Variants in ELP3 observed in about 807,000 individuals in gnomAD.
ELP3 encodes elongator acetyltransferase complex subunit 3, also known as elongator complex protein 3.
Under a neutral mutation model 74.9 loss-of-function variants are expected in ELP3, and 56 were observed. The observed-to-expected ratio is 0.75, with a 90% CI of 0.60 to 0.93. ELP3 has a LOEUF of 0.93. ELP3 is among the 40% of genes least tolerant of loss of function. ELP3 has a pLI of 0.00. For missense variants in ELP3, 573 were observed against 686.5 expected (o/e 0.83, Z 1.85); for synonymous variants, 222 against 239.8 (o/e 0.93, Z 0.68).
chr8:28,147,765 C>T lies in ELP3; in HGVS notation c.1101-8177C>T, dbSNP rs992322106. The stretch of plus-strand genomic sequence containing the variant: ...GATTATAGTTTCTAAAGCCACTCTC[C>T]ACTAAAAGAAATCAGTGCTTAGAAA... On this transcript the variant is annotated intron_variant, in intron 10 of 14. Transcript: ENST00000256398. The surrounding 1 kb of genome is among the most constrained non-coding windows in gnomAD (Gnocchi z 4.5). Among the ~76,000 whole-genome samples, 8 of 152,088 alleles carry T rather than the reference C, an allele frequency of 5.3e-5. No homozygotes were observed. Among genetic ancestry groups the T allele is most frequent in the African/African-American group, 1.9e-4 (8 of 41,402 alleles).
Position 28,155,980 on chromosome 8 carries a change from A to T in ELP3, c.1139A>T (p.His380Leu). Reference protein sequence around the residue: ...PMPLVSSGVEHGNLRELALAR... With the variant: ...PMPLVSSGVELGNLRELALAR... Reference sequence around the variant, plus strand: ...CCTTTAGTTAGCTCAGGAGTAGAGCATGGTAACCTGAGAGAGCTGGCACTT... The same window carrying T: ...CCTTTAGTTAGCTCAGGAGTAGAGCTTGGTAACCTGAGAGAGCTGGCACTT... The change falls in exon 11 of 15, where the codon CAT (histidine) becomes CTT (leucine). Residue 380 changes from histidine to leucine, a missense_variant. Transcript: ENST00000256398. 3 of 1,614,020 alleles carry T rather than the reference A, an allele frequency of 1.9e-6. No individual in the cohort carries two copies. The highest frequency in any genetic ancestry group is 1.3e-5 in the African/African-American group (1 of 75,062).
chr8:28,103,305 T>C (rs1479797107), intron 3 of ELP3, among the ~76,000 whole-genome samples: 3 of 152,228 alleles, frequency 2.0e-5, no homozygotes, highest in Non-Finnish European at 4.4e-5. Context: ...CAGAGTGTCA[T>C]GTACAGTAAT....
At chr8:28,117,168 A>G (rs1159949767) in intron 7 of ELP3, among the ~76,000 whole-genome samples, 1 of 152,158 alleles carries the variant, frequency 6.6e-6, no homozygotes, top group Non-Finnish European at 1.5e-5. Context: ...AAAATTTGCC[A>G]CTAAGCTTTT....
At chr8:28,128,795 C>G (rs990089255) in intron 7 of ELP3, among the ~76,000 whole-genome samples, 2 of 152,218 alleles carry the variant, frequency 1.3e-5, no homozygotes, top group African/African-American at 4.8e-5. Flanking sequence ...TGTCGCCTCA[C>G]TTCACTAGCC....
At chr8:28,150,908 C>A (rs1247764168) in intron 10 of ELP3, among the ~76,000 whole-genome samples, 1 of 152,170 alleles carries the variant, frequency 6.6e-6, no homozygotes, top group Non-Finnish European at 1.5e-5. Context: ...ATTCTCCCAC[C>A]TCAGCCTCCC....
chr8:28,090,396 A>C (rs1482633070), upstream of ELP3: 1 of 372,316 alleles, frequency 2.7e-6, no homozygotes, highest in African/African-American at 2.1e-5. Flanking sequence ...TGAATCCTCC[A>C]TAGTCTGGTG....
At chr8:28,093,422 C>T in intron 1 of ELP3, 189 bp downstream of exon 1, 1 of 683,156 alleles carries the variant, frequency 1.5e-6, no homozygotes, top group East Asian at 2.7e-5. Context: ...TTTTGAAGCA[C>T]CCTACCCTTC....
intron 10 of ELP3, among the ~76,000 whole-genome samples, chr8:28,141,736 T>C (rs1813245694): frequency 6.6e-6 from 1 of 152,214 alleles, no homozygotes; most frequent in Admixed American, 6.5e-5. Context: ...TTTCAAAATC[T>C]AAACTAATAC....
At chr8:28,163,549 A>G (rs1212090883) in intron 14 of ELP3, among the ~76,000 whole-genome samples, 3 of 142,048 alleles carry the variant, frequency 2.1e-5, no homozygotes, top group Non-Finnish European at 4.6e-5. Flanking sequence ...TCACATGTCT[A>G]GCTTTATTTA....
rs567970209 is a variant in ELP3 at position 28,177,373 on chromosome 8, C to T, written c.1568-12276C>T. ...GAAGAGTAAAATATCGCCATCCTGGCAGGAGATCAATGAGAAATAATAAAG... is the reference window on the plus strand; with the variant it reads ...GAAGAGTAAAATATCGCCATCCTGGTAGGAGATCAATGAGAAATAATAAAG... On this transcript the variant is annotated intron_variant, in intron 14 of 14. Transcript: ENST00000256398. Among the ~76,000 whole-genome samples, 142 of 152,248 alleles carry T rather than the reference C, an allele frequency of 9.3e-4. 2 individuals are homozygous for T. The highest frequency in any genetic ancestry group is 6.8e-3 in the Middle Eastern group (2 of 294).
At chr8:28,141,632 G>A (rs768235748) in intron 10 of ELP3, among the ~76,000 whole-genome samples, 4 of 152,180 alleles carry the variant, frequency 2.6e-5, no homozygotes, top group Non-Finnish European at 5.9e-5. Flanking sequence ...TTCTCAGGGC[G>A]TTGGGACATC....
At chr8:28,106,630 C>T in intron 3 of ELP3, 83 bp from the exon 4 acceptor site, 1 of 1,129,960 alleles carries the variant, frequency 8.8e-7, no homozygotes, top group African/African-American at 1.6e-5. Context: ...GCATTCCTCT[C>T]CTTCCTTCCG....
intron 10 of ELP3, among the ~76,000 whole-genome samples, chr8:28,144,330 C>T (rs1024240641): frequency 1.3e-5 from 2 of 152,160 alleles, no homozygotes; most frequent in Admixed American, 1.3e-4. Context: ...TTAAATTCGG[C>T]CAGGCACAGT....
Position 28,093,140 on chromosome 8 carries a change from G to A in ELP3, c.-75G>A. ...TTACGACAGGCGGGATTGTTTTGTG[G>A]CTGTCAGCTTTCCCCGTGGTCTGAG... On this transcript the variant is annotated 5_prime_UTR_variant, in exon 1 of 15. Coordinates refer to ENST00000256398, the MANE Select transcript of ELP3 (RefSeq NM_018091.6). The A allele has an allele frequency of 6.3e-7, 1 of 1,588,698 alleles. No individual in the cohort carries two copies. The highest frequency in any genetic ancestry group is 8.6e-7 in the Non-Finnish European group (1 of 1,168,148).
Position 28,093,147 on chromosome 8 carries a change from G to C in ELP3, c.-68G>C. 1 of 1,595,174 alleles carries C rather than the reference G, an allele frequency of 6.3e-7. No homozygotes were observed. The highest frequency in any genetic ancestry group is 8.5e-7 in the Non-Finnish European group (1 of 1,172,430). On this transcript the variant is annotated 5_prime_UTR_variant, in exon 1 of 15. Coordinates refer to ENST00000256398, the MANE Select transcript of ELP3 (RefSeq NM_018091.6). ...AGGCGGGATTGTTTTGTGGCTGTCA[G>C]CTTTCCCCGTGGTCTGAGTTTGTGG...
chr8:28,144,788 C>T (rs926087537), intron 10 of ELP3, among the ~76,000 whole-genome samples: 3 of 152,210 alleles, frequency 2.0e-5, no homozygotes, highest in Non-Finnish European at 2.9e-5. Context: ...CCTGTTTTCC[C>T]AGCAGTTTGG....
At chr8:28,173,652 G>A (rs1378410734) in intron 14 of ELP3, among the ~76,000 whole-genome samples, 1 of 150,590 alleles carries the variant, frequency 6.6e-6, no homozygotes, top group African/African-American at 2.4e-5. Flanking sequence ...GTTCCTTAAG[G>A]TGTAGAGTAG....
chr8:28,169,128 T>C (rs1463638362), intron 14 of ELP3, among the ~76,000 whole-genome samples: 1 of 152,200 alleles, frequency 6.6e-6, no homozygotes, highest in African/African-American at 2.4e-5. Flanking sequence ...CACCCCATCC[T>C]CTAGTCCCTA....
upstream of ELP3, chr8:28,090,478 GGT>G (rs770428232): frequency 2.6e-5 from 6 of 227,230 alleles, no homozygotes; most frequent in Admixed American, 1.7e-4. Context: ...TAGTCTGATG[GGT>G]GGGTGTGTGT....
Sources: gnomAD v4.1 joint callset for allele counts (sites outside exome capture counted in the v4.1 genomes callset) on GRCh38, gnomAD v4.1.1 for gene constraint, Gnocchi (gnomAD v3.1) non-coding constraint, MANE v1.5 for transcripts, NCBI Gene and HGNC (gene_info 2026-07-23, HGNC 2026-07-21) for gene names.